Variants in MINDY4 observed in about 807,000 individuals in gnomAD.
MINDY4 encodes MINDY lysine 48 deubiquitinase 4.
Under a neutral mutation model 87.0 loss-of-function variants are expected in MINDY4, and 68 were observed. The ratio of observed to expected loss-of-function variants is 0.78; its 90% CI spans 0.64 to 0.96. MINDY4 has a LOEUF of 0.96. Ranked by LOEUF, MINDY4 falls within the 40% of genes least tolerant of loss-of-function variation. The probability of loss-of-function intolerance (pLI) is 0.00; values close to 1 mark genes in which losing one functional copy is unlikely to be tolerated. For missense variants in MINDY4, 919 were observed against 928.2 expected (o/e 0.99, Z 0.13); for synonymous variants, 379 against 363.2 (o/e 1.04, Z -0.50).
chr7:30,845,087 C>T (rs1242505578), intron 9 of MINDY4, among the ~76,000 whole-genome samples: 1 of 152,176 alleles, frequency 6.6e-6, no homozygotes, highest in Non-Finnish European at 1.5e-5. Flanking sequence ...CTGTGCCCTG[C>T]AAGAGGCATG....
intron 9 of MINDY4, among the ~76,000 whole-genome samples, chr7:30,843,568 G>A (rs888528660): frequency 1.4e-5 from 2 of 139,530 alleles, no homozygotes; most frequent in African/African-American, 5.7e-5. Context: ...TCTGCTCAGG[G>A]CACAAGGCAG....
chr7:30,872,606 C>T lies in MINDY4; in HGVS notation c.1809+300C>T, dbSNP rs149554283. ...ACTCAGACCAAAGTGCTACACAGCC[C>T]GGAGCCCAGGACACAGGGAGTGATG... On this transcript the variant is annotated intron_variant, in intron 14 of 17. Coordinates refer to ENST00000265299, the MANE Select transcript of MINDY4 (RefSeq NM_032222.3). Among the ~76,000 whole-genome samples, 59 of 152,286 alleles carry T rather than the reference C, an allele frequency of 3.9e-4. 1 individual carries two copies. The highest frequency in any genetic ancestry group is 1.2e-3 in the African/African-American group (51 of 41,562).
intron 13 of MINDY4, among the ~76,000 whole-genome samples, chr7:30,868,186 G>A (rs1218772993): frequency 6.6e-6 from 1 of 152,224 alleles, no homozygotes; most frequent in East Asian, 1.9e-4. Context: ...AATGGTGGGG[G>A]CTAGGGGTAG....
chr7:30,798,268 C>T (rs1303229792), intron 5 of MINDY4, among the ~76,000 whole-genome samples: 2 of 152,154 alleles, frequency 1.3e-5, no homozygotes, highest in African/African-American at 2.4e-5. Context: ...CTTATGGAAC[C>T]ACTGTGATAT....
At chr7:30,830,880 T>G (rs1788681752) in intron 6 of MINDY4, among the ~76,000 whole-genome samples, 1 of 152,110 alleles carries the variant, frequency 6.6e-6, no homozygotes, top group Admixed American at 6.5e-5. Context: ...AAAGATTGGT[T>G]GGAGGTAATG....
Position 30,839,506 on chromosome 7 carries a change from A to G in MINDY4, c.1356+190A>G, listed in dbSNP as rs546495290. Among the ~76,000 whole-genome samples, 58 of 152,334 alleles carry G rather than the reference A, an allele frequency of 3.8e-4. No individual in the cohort carries two copies. The East Asian group carries it at 0.011, about 29-fold the overall frequency. On this transcript the variant is annotated intron_variant, in intron 8 of 17. Coordinates refer to ENST00000265299, the MANE Select transcript of MINDY4 (RefSeq NM_032222.3). ...TGGCTGGTGCAGCAAGAGCTGGGGAATAAGACCCTCTGCTTTGGAGATGTT... is the reference window on the plus strand; with the variant it reads ...TGGCTGGTGCAGCAAGAGCTGGGGAGTAAGACCCTCTGCTTTGGAGATGTT...
chr7:30,877,664 T>A (rs1790303697), intron 15 of MINDY4, among the ~76,000 whole-genome samples: 1 of 105,098 alleles, frequency 9.5e-6, no homozygotes, highest in Non-Finnish European at 1.7e-5. Flanking sequence ...CCTTCCCTCT[T>A]CTTCTTCTTC....
intron 5 of MINDY4, among the ~76,000 whole-genome samples, chr7:30,798,404 G>A (rs1408004436): frequency 6.6e-6 from 1 of 152,180 alleles, no homozygotes; most frequent in African/African-American, 2.4e-5. Context: ...ACTGTAAGAG[G>A]GGGGTTGCCG....
At chr7:30,889,058 C>T (rs1316562619) in intron 17 of MINDY4, among the ~76,000 whole-genome samples, 1 of 152,148 alleles carries the variant, frequency 6.6e-6, no homozygotes, top group Admixed American at 6.5e-5. Flanking sequence ...GGTGAAGGGG[C>T]CTGGGGACCA....
At chr7:30,860,615 C>A (rs1038490418) in intron 13 of MINDY4, among the ~76,000 whole-genome samples, 1 of 152,048 alleles carries the variant, frequency 6.6e-6, no homozygotes, top group Non-Finnish European at 1.5e-5. Context: ...AGTCTCAGCG[C>A]CCCCATCCAT....
At chr7:30,837,281 A>G (rs1788885335) in intron 7 of MINDY4, among the ~76,000 whole-genome samples, 1 of 152,014 alleles carries the variant, frequency 6.6e-6, no homozygotes, top group South Asian at 2.1e-4. Context: ...GGTGTCTGGG[A>G]TTGCTCACCA....
At chr7:30,813,608 C>T (rs1788069953) in intron 5 of MINDY4, among the ~76,000 whole-genome samples, 1 of 152,196 alleles carries the variant, frequency 6.6e-6, no homozygotes, top group Admixed American at 6.5e-5. Context: ...CCCAAGGACC[C>T]TCACAACCCA....
At chr7:30,877,357 A>G (rs1164087942) in intron 15 of MINDY4, among the ~76,000 whole-genome samples, 2 of 152,108 alleles carry the variant, frequency 1.3e-5, no homozygotes, top group African/African-American at 4.8e-5. Flanking sequence ...TGATGGGAAA[A>G]CCAGTTGGGG....
chr7:30,820,770 T>A (rs1367626944), intron 5 of MINDY4, among the ~76,000 whole-genome samples: 3 of 152,212 alleles, frequency 2.0e-5, no homozygotes, highest in Admixed American at 2.0e-4. Context: ...TGTCTCCACC[T>A]TTTGGTTATT....
rs146495580 is a variant in MINDY4, at chr7:30,816,788, G to A, written c.1074-11891G>A. On this transcript the variant is annotated intron_variant, in intron 5 of 17. Transcript: ENST00000265299. ...ATTGTTAAGGCAGATTGTTTTCACA[G>A]GATTCCAAGCAGAGAGCTTTTCTCA... 1.8e-3 allele frequency among the ~76,000 whole-genome samples: 269 copies of A among 152,302 alleles called. 1 individual carries two copies. Among genetic ancestry groups the A allele is most frequent in the African/African-American group, 6.2e-3 (256 of 41,554 alleles).
intron 14 of MINDY4, among the ~76,000 whole-genome samples, chr7:30,875,032 G>T (rs2128579381): frequency 6.6e-6 from 1 of 152,310 alleles, no homozygotes; most frequent in African/African-American, 2.4e-5. Flanking sequence ...TCTCCTTAAA[G>T]CTGCCCTGAC....
In MINDY4 at chr7:30,795,911, A is replaced by T. The variant is rs142363589; in HGVS notation, c.1073+4337A>T. 3.1e-3 allele frequency among the ~76,000 whole-genome samples: 471 copies of T among 151,956 alleles called. 2 individuals are homozygous for T. The highest frequency in any genetic ancestry group is 0.011 in the African/African-American group (447 of 41,402). On this transcript the variant is annotated intron_variant, in intron 5 of 17. Transcript: ENST00000265299. ...TCTTCTGCTTTTGAGGACCTTTGTG[A>T]TTACCTTGGACCCACCTGGTTGATC...
In MINDY4 at chr7:30,776,438, A is replaced by G. The variant is rs191740246; in HGVS notation, c.64-1994A>G. Among the ~76,000 whole-genome samples, 104 of 152,330 alleles carry G rather than the reference A, an allele frequency of 6.8e-4. No homozygotes were observed. The East Asian group carries it at 0.013, about 19-fold the overall frequency. On this transcript the variant is annotated intron_variant, in intron 1 of 17. Coordinates refer to ENST00000265299, the MANE Select transcript of MINDY4 (RefSeq NM_032222.3). ...CTTTCCTGACCACCTTTGATAAAGTAGCAGCGCATCCCCACACCCACCCTA... is the reference window on the plus strand; with the variant it reads ...CTTTCCTGACCACCTTTGATAAAGTGGCAGCGCATCCCCACACCCACCCTA...
rs138922772 is a variant in MINDY4, at chr7:30,863,221, C to G, written c.1745+3897C>G. ...CCACTTTGGGCAATTGAAAACATGT[C>G]CTGGTAGCAAAAAGAGACAGCTGAG... On this transcript the variant is annotated intron_variant, in intron 13 of 17. Coordinates refer to ENST00000265299, the MANE Select transcript of MINDY4 (RefSeq NM_032222.3). 6.5e-3 allele frequency among the ~76,000 whole-genome samples: 994 copies of G among 152,326 alleles called. 4 individuals carry two copies. The highest frequency in any genetic ancestry group is 9.0e-3 in the Non-Finnish European group (609 of 68,030).
Sources: gnomAD v4.1 joint callset for allele counts (sites outside exome capture counted in the v4.1 genomes callset) on GRCh38, gnomAD v4.1.1 for gene constraint, MANE v1.5 for transcripts, NCBI Gene and HGNC (gene_info 2026-07-23, HGNC 2026-07-21) for gene names.